The following UVSSA variants were observed in gnomAD, a reference collection of about 807,000 sequenced individuals.
UVSSA encodes the protein UV-stimulated scaffold protein A.
In UVSSA, 72 loss-of-function variants were observed where a neutral mutation model predicts 73.9. That is an observed-to-expected ratio of 0.97 (90% CI 0.81 to 1.19). The LOEUF (loss-of-function observed/expected upper bound fraction) is 1.19, where lower values mean the gene tolerates loss of function less well. UVSSA is among the 50% of genes most tolerant of loss of function. The probability of loss-of-function intolerance (pLI) is 0.00; values close to 1 mark genes in which losing one functional copy is unlikely to be tolerated. For synonymous variants in UVSSA, 454 were observed against 391.3 expected (o/e 1.16, Z -1.89); for missense variants, 1,150 against 965.0 (o/e 1.19, Z -2.54).
chr4:1,382,720 C>G (rs1006497449), intron 12 of UVSSA, among the ~76,000 whole-genome samples: 4 of 152,176 alleles, frequency 2.6e-5, no homozygotes, highest in African/African-American at 9.7e-5. Context: ...TTGTGGGCCC[C>G]GTATTCCTTC....
At chr4:1,349,416 C>A in intron 2 of UVSSA, 108 bp from the exon 3 acceptor site, 1 of 1,045,030 alleles carries the variant, frequency 9.6e-7, no homozygotes, top group Non-Finnish European at 1.4e-6. Flanking sequence ...GATGGGAAGG[C>A]AGTGGTGGTC....
chr4:1,348,081 T>G lies in UVSSA; in HGVS notation c.-2-9T>G. On this transcript the variant is annotated splice_polypyrimidine_tract_variant and intron_variant, in intron 1 of 13. Coordinates refer to ENST00000389851, the MANE Select transcript of UVSSA (RefSeq NM_020894.4). Reference sequence around the variant, plus strand: ...GGTGATATAGCATCTCTGCCTTACTTATTTCTAGATATGGATCAGAAACTT... The same window carrying G: ...GGTGATATAGCATCTCTGCCTTACTGATTTCTAGATATGGATCAGAAACTT... 1 of 1,605,400 alleles carries G rather than the reference T, an allele frequency of 6.2e-7. No individual in the cohort carries two copies. The highest frequency in any genetic ancestry group is 2.2e-5 in the East Asian group (1 of 44,824).
intron 8 of UVSSA, among the ~76,000 whole-genome samples, chr4:1,366,907 G>A (rs916297418): frequency 3.3e-5 from 5 of 152,206 alleles, no homozygotes; most frequent in Admixed American, 2.6e-4. Context: ...TCTCACTCAC[G>A]AGGGTGGGCT....
upstream of UVSSA, among the ~76,000 whole-genome samples, chr4:1,343,747 A>G (rs1713512195): frequency 6.6e-6 from 1 of 152,154 alleles, no homozygotes; most frequent in Admixed American, 6.5e-5. Flanking sequence ...AGATCGCACC[A>G]TTGCACTCCA....
intron 12 of UVSSA, among the ~76,000 whole-genome samples, chr4:1,381,377 T>G (rs1017946889): frequency 6.6e-6 from 1 of 152,214 alleles, no homozygotes. Context: ...CCCTCTGGCC[T>G]CCTCAGCCAT....
At position 1,382,949 on chromosome 4, in the gene UVSSA, CA is replaced by C. The variant is rs1197841169; in HGVS notation, c.1862-816del. 3.3e-5 allele frequency among the ~76,000 whole-genome samples: 5 copies of C among 152,208 alleles called. No individual in the cohort carries two copies. The East Asian group carries it at 9.6e-4, about 29-fold the overall frequency. ...AGTCCCATGGCCATCACAGTCCCGTCAGGGGTGGCCTTCCCGAGCCCGACCA... is the reference window on the plus strand; with the variant it reads ...AGTCCCATGGCCATCACAGTCCCGTCGGGGTGGCCTTCCCGAGCCCGACCA... On this transcript the variant is annotated intron_variant, in intron 12 of 13. Transcript: ENST00000389851.
At chr4:1,389,085 A>G (rs200226706), downstream of UVSSA, 2 of 152,124 alleles carry the variant, frequency 1.3e-5, no homozygotes, top group Non-Finnish European at 2.9e-5. Context: ...CTAATTCAGT[A>G]TCTTCATTTA....
At chr4:1,362,077 C>T (rs896925573) in intron 7 of UVSSA, among the ~76,000 whole-genome samples, 2 of 152,218 alleles carry the variant, frequency 1.3e-5, no homozygotes, top group African/African-American at 4.8e-5. Flanking sequence ...GTAACCTCGC[C>T]ACCCTACTTC....
Position 1,366,321 on chromosome 4 carries a change from C to T in UVSSA, c.1178C>T (p.Thr393Ile). 6.2e-7 allele frequency: 1 copy of T among 1,609,620 alleles called. No individual in the cohort carries two copies. The highest frequency in any genetic ancestry group is 8.5e-7 in the Non-Finnish European group (1 of 1,177,814). ...IEPEGGERRR[T>I]EALGDAEEDE... ...TTGTATTGGGGTGTTTTTCCACAGA[C>T]AGAAGCCCTGGGGGATGCGGAGGAA... Residue 393 changes from threonine to isoleucine, a missense_variant and splice_region_variant, in exon 8 of 14, where the codon ACA becomes ATA. Coordinates refer to ENST00000389851, the MANE Select transcript of UVSSA (RefSeq NM_020894.4).
chr4:1,348,257 C>A, intron 2 of UVSSA, 68 bp downstream of exon 2: 1 of 1,199,528 alleles, frequency 8.3e-7, no homozygotes. Context: ...CAGGGCCCTG[C>A]CCTCCTGCCC....
chr4:1,379,077 G>A (rs904773509), intron 10 of UVSSA, among the ~76,000 whole-genome samples: 1 of 150,808 alleles, frequency 6.6e-6, no homozygotes, highest in Non-Finnish European at 1.5e-5. Context: ...TGGGGTGAGG[G>A]CGGGGCTGCT....
Position 1,386,080 on chromosome 4 carries a change from A to G in UVSSA, c.*119A>G, listed in dbSNP as rs531431808. 1.9e-6 allele frequency: 2 copies of G among 1,075,418 alleles called. No homozygotes were observed. Among genetic ancestry groups the G allele is most frequent in the East Asian group, 5.0e-5 (2 of 40,062 alleles). 66.6% of individuals were successfully genotyped at this position (1,075,418 alleles called of 1,614,324 possible). On this transcript the variant is annotated 3_prime_UTR_variant, in exon 14 of 14. Coordinates refer to ENST00000389851, the MANE Select transcript of UVSSA (RefSeq NM_020894.4). ...CTTTGTCTATTACTGTGTTTGATGT[A>G]AAGAAATGGTGTGTTGCAATGCCCT...
At chr4:1,360,959 G>A (rs1384203025) in intron 7 of UVSSA, among the ~76,000 whole-genome samples, 1 of 152,234 alleles carries the variant, frequency 6.6e-6, no homozygotes, top group Non-Finnish European at 1.5e-5. Context: ...AACGTCCTAT[G>A]TGGGACCCAG....
At chr4:1,361,976 A>C (rs1254317027) in intron 7 of UVSSA, among the ~76,000 whole-genome samples, 1 of 152,168 alleles carries the variant, frequency 6.6e-6, no homozygotes, top group East Asian at 1.9e-4. Context: ...AATTTATTTA[A>C]TGGCCCCAGC....
chr4:1,382,744 C>T (rs1001202390), intron 12 of UVSSA, among the ~76,000 whole-genome samples: 7 of 152,182 alleles, frequency 4.6e-5, no homozygotes, highest in East Asian at 3.9e-4. Context: ...TCAAAGAATC[C>T]GCTTGGGAGG....
At chr4:1,379,928 A>T in intron 10 of UVSSA, 119 bp from the exon 11 acceptor site, 2 of 1,233,698 alleles carry the variant, frequency 1.6e-6, no homozygotes, top group African/African-American at 1.5e-5. Flanking sequence ...GGTGCTGTCC[A>T]CAGTGTTGGG....
At chr4:1,366,275 A>C (rs1473730083) in intron 7 of UVSSA, 45 bp from the exon 8 acceptor site, 1 of 1,492,918 alleles carries the variant, frequency 6.7e-7, no homozygotes, top group Admixed American at 1.9e-5. Flanking sequence ...CTGTGTTCAT[A>C]CACAGGGTCT....
chr4:1,367,779 C>T (rs1178708324), intron 8 of UVSSA, among the ~76,000 whole-genome samples: 5 of 152,210 alleles, frequency 3.3e-5, no homozygotes, highest in Non-Finnish European at 7.4e-5. Flanking sequence ...CACCACCGAC[C>T]TCACTGCGTC....
intron 7 of UVSSA, among the ~76,000 whole-genome samples, chr4:1,360,986 G>A (rs548807084): frequency 6.6e-6 from 1 of 152,346 alleles, no homozygotes; most frequent in South Asian, 2.1e-4. Context: ...ACACCAGTTT[G>A]GCTGCCCCAG....
Sources: allele counts gnomAD v4.1 joint callset (sites outside exome capture counted in the v4.1 genomes callset), GRCh38; gene constraint gnomAD v4.1.1; transcripts MANE v1.5; gene names NCBI Gene and HGNC (gene_info 2026-07-23, HGNC 2026-07-21).